The following ARID1B variants were observed in gnomAD, a reference collection of about 807,000 sequenced individuals.
ARID1B encodes the protein AT-rich interactive domain-containing protein 1B.
Under a neutral mutation model 212.3 loss-of-function variants are expected in ARID1B, and 30 were observed. The ratio of observed to expected loss-of-function variants is 0.14; its 90% CI spans 0.11 to 0.19. The LOEUF (loss-of-function observed/expected upper bound fraction) is 0.19. ARID1B is among the 10% of genes least tolerant of loss of function. The pLI, the probability that ARID1B is intolerant of heterozygous loss-of-function variation, is 1.00. For missense variants in ARID1B, 2,891 were observed against 3,204.0 expected, an observed-to-expected ratio of 0.90 and a Z score of 2.36; for synonymous variants, 1,402 against 1,301.7, an observed-to-expected ratio of 1.08 and a Z score of -1.66.
At position 156,821,360 on chromosome 6, in the gene ARID1B, A is replaced by G. The variant is rs564532513; in HGVS notation, c.1792-7867A>G. ...ACTGCTCCCCCACTCCCCCCACAAT[A>G]CCTTTTGTGTTGAGGGGGCTGAGAA... On this transcript the variant is annotated intron_variant, in intron 1 of 19. Coordinates refer to ENST00000636930, the MANE Select transcript of ARID1B (RefSeq NM_001374828.1). Among the ~76,000 whole-genome samples, 7 of 152,300 alleles carry G rather than the reference A, an allele frequency of 4.6e-5. No individual in the cohort carries two copies. The East Asian group carries it at 1.4e-3, about 29-fold the overall frequency.
intron 3 of ARID1B, among the ~76,000 whole-genome samples, chr6:156,934,922 A>ATT (rs1412422520): frequency 2.9e-5 from 1 of 34,040 alleles, no homozygotes; most frequent in African/African-American, 9.6e-5. Context: ...TTATATATAT[A>ATT]TATATATATA....
At chr6:157,099,976 A>G (rs886184259) in intron 5 of ARID1B, among the ~76,000 whole-genome samples, 1 of 152,148 alleles carries the variant, frequency 6.6e-6, no homozygotes, top group Non-Finnish European at 1.5e-5. Flanking sequence ...CTAATGACAC[A>G]TGAATAGTCT....
chr6:156,894,346 C>T (rs979170198), intron 2 of ARID1B, among the ~76,000 whole-genome samples: 1 of 143,696 alleles, frequency 7.0e-6, no homozygotes, highest in African/African-American at 2.6e-5. Context: ...GTTGTTATTT[C>T]CAGGGCACAG....
chr6:157,082,834 C>T (rs1002049052), intron 4 of ARID1B, among the ~76,000 whole-genome samples: 2 of 152,174 alleles, frequency 1.3e-5, no homozygotes, highest in African/African-American at 4.8e-5. Context: ...GGAATGAAGA[C>T]GTTTTCTGTT....
chr6:157,119,257 G>A (rs893527037), intron 6 of ARID1B, among the ~76,000 whole-genome samples: 6 of 152,008 alleles, frequency 3.9e-5, no homozygotes, highest in Non-Finnish European at 8.8e-5. Context: ...TGTTCCTCCT[G>A]TCCCCAGCCT....
intron 4 of ARID1B, chr6:156,976,749 C>G (rs138584232): frequency 2.0e-6 from 1 of 505,202 alleles, no homozygotes; most frequent in Admixed American, 2.0e-5. Context: ...CGTGAAGGTC[C>G]GCAGCTTCAT....
At chr6:157,174,219 G>A in intron 10 of ARID1B, 102 bp downstream of exon 10, 3 of 962,818 alleles carry the variant, frequency 3.1e-6, no homozygotes, top group Non-Finnish European at 4.9e-6. Context: ...TTTTCATTTG[G>A]TCTCCTCTGC....
intron 2 of ARID1B, among the ~76,000 whole-genome samples, chr6:156,865,798 T>TC (rs1241548380): frequency 1.3e-5 from 2 of 152,080 alleles, no homozygotes; most frequent in Non-Finnish European, 2.9e-5. Context: ...CTTCCCTCCT[T>TC]CCCTCCTTCC....
At chr6:157,088,019 T>C (rs1785059794) in intron 5 of ARID1B, among the ~76,000 whole-genome samples, 1 of 152,236 alleles carries the variant, frequency 6.6e-6, no homozygotes, top group Non-Finnish European at 1.5e-5. Context: ...CACAGAAAAG[T>C]TAACAATAGA....
intron 4 of ARID1B, among the ~76,000 whole-genome samples, chr6:157,076,377 A>G (rs913788746): frequency 6.6e-6 from 1 of 151,688 alleles, no homozygotes; most frequent in African/African-American, 2.4e-5. Flanking sequence ...TGCAGAGGCT[A>G]TTCACAGGTA....
chr6:157,000,923 G>A (rs1455557931), intron 4 of ARID1B, among the ~76,000 whole-genome samples: 1 of 151,888 alleles, frequency 6.6e-6, no homozygotes, highest in African/African-American at 2.4e-5. Flanking sequence ...TCAAACTCCT[G>A]ACCTCAAGTG....
chr6:157,111,066 A>G (rs1029741161), intron 6 of ARID1B: 3 of 156,694 alleles, frequency 1.9e-5, no homozygotes, highest in African/African-American at 7.2e-5. Context: ...CCAGTCACCT[A>G]AAGCAACTGG....
intron 2 of ARID1B, among the ~76,000 whole-genome samples, chr6:156,891,364 C>G (rs1787908068): frequency 6.6e-6 from 1 of 152,262 alleles, no homozygotes; most frequent in African/African-American, 2.4e-5. Flanking sequence ...AAAACAAACA[C>G]ATAAAAATTA....
intron 17 of ARID1B, among the ~76,000 whole-genome samples, chr6:157,199,776 G>T (rs1460418054): frequency 6.6e-6 from 1 of 151,788 alleles, no homozygotes; most frequent in Non-Finnish European, 1.5e-5. Flanking sequence ...CGATTCTCCT[G>T]CCTCAGCCTC....
chr6:156,783,894 C>T (rs879588785), intron 1 of ARID1B, among the ~76,000 whole-genome samples: 3 of 152,076 alleles, frequency 2.0e-5, no homozygotes, highest in African/African-American at 4.8e-5. Context: ...ATATTTCACT[C>T]GTGTCACTTT....
chr6:156,931,693 T>A (rs923075927), intron 3 of ARID1B, among the ~76,000 whole-genome samples: 2 of 151,966 alleles, frequency 1.3e-5, no homozygotes, highest in African/African-American at 4.8e-5. Flanking sequence ...CCGGGCACGG[T>A]GGCTCACGCC....
chr6:156,826,727 C>T (rs1389617185), intron 1 of ARID1B, among the ~76,000 whole-genome samples: 1 of 152,142 alleles, frequency 6.6e-6, no homozygotes. Context: ...TTGCCGAGCA[C>T]AGCAGTGGCC....
intron 5 of ARID1B, among the ~76,000 whole-genome samples, chr6:157,109,604 C>A (rs1786749223): frequency 6.6e-6 from 1 of 152,116 alleles, no homozygotes; most frequent in South Asian, 2.1e-4. Flanking sequence ...ACCTCTCAGC[C>A]AAAAAGTGAG....
At chr6:156,881,768 G>C (rs1287494699) in intron 2 of ARID1B, among the ~76,000 whole-genome samples, 1 of 152,156 alleles carries the variant, frequency 6.6e-6, no homozygotes, top group Non-Finnish European at 1.5e-5. Context: ...TCGATTTGGG[G>C]TGGCGGCAAG....
Sources: gnomAD v4.1 joint callset for allele counts (sites outside exome capture counted in the v4.1 genomes callset) on GRCh38, gnomAD v4.1.1 for gene constraint, MANE v1.5 for transcripts, NCBI Gene and HGNC (gene_info 2026-07-23, HGNC 2026-07-21) for gene names.